The following TRAPPC9 variants were observed in gnomAD, a reference collection of about 807,000 sequenced individuals.
TRAPPC9 encodes IKK2 binding protein.
A neutral mutation model predicts 124.0 loss-of-function variants in TRAPPC9; 83 were observed. The ratio of observed to expected loss-of-function variants is 0.67; its 90% CI spans 0.56 to 0.80. The LOEUF (loss-of-function observed/expected upper bound fraction) is 0.80. Among genes scored for constraint, TRAPPC9 ranks in the 30% least tolerant of loss-of-function variants. The probability of loss-of-function intolerance (pLI) is 0.00; values close to 1 mark genes in which losing one functional copy is unlikely to be tolerated. For missense variants in TRAPPC9, 1,302 were observed against 1,508.3 expected (o/e 0.86, Z 2.27); for synonymous variants, 638 against 617.5 (o/e 1.03, Z -0.49).
At chr8:140,403,569 A>G (rs1283676088) in intron 6 of TRAPPC9, among the ~76,000 whole-genome samples, 1 of 152,206 alleles carries the variant, frequency 6.6e-6, no homozygotes, top group African/African-American at 2.4e-5. Context: ...TTTTTCAAAA[A>G]TAATAGCTAG....
chr8:140,405,966 T>C (rs1263111600), intron 5 of TRAPPC9, among the ~76,000 whole-genome samples: 2 of 152,170 alleles, frequency 1.3e-5, no homozygotes, highest in African/African-American at 4.8e-5. Context: ...AAGTAACATA[T>C]TTACAGTAAC....
At chr8:140,302,387 C>T (rs1319166608) in intron 10 of TRAPPC9, among the ~76,000 whole-genome samples, 1 of 152,228 alleles carries the variant, frequency 6.6e-6, no homozygotes, top group Non-Finnish European at 1.5e-5. Flanking sequence ...TGTTTCCACT[C>T]AGCTGTGAGC....
At chr8:139,773,965 C>T (rs1409753603) in intron 21 of TRAPPC9, among the ~76,000 whole-genome samples, 1 of 152,210 alleles carries the variant, frequency 6.6e-6, no homozygotes, top group Non-Finnish European at 1.5e-5. Context: ...GGACAGCGGT[C>T]GACCCTACGA....
At chr8:140,422,712 C>A (rs1010037782) in intron 5 of TRAPPC9, among the ~76,000 whole-genome samples, 8 of 150,410 alleles carry the variant, frequency 5.3e-5, no homozygotes, top group Non-Finnish European at 1.2e-4. Context: ...CGAGATCACA[C>A]CACTGCACTC....
intron 17 of TRAPPC9, among the ~76,000 whole-genome samples, chr8:140,059,544 C>G (rs1023261699): frequency 6.6e-6 from 1 of 152,176 alleles, no homozygotes; most frequent in African/African-American, 2.4e-5. Context: ...AACAAAGTAG[C>G]CACACCATTG....
intron 17 of TRAPPC9, among the ~76,000 whole-genome samples, chr8:140,183,862 AAAGAAGAAG>A (rs1173930930): frequency 2.0e-4 from 6 of 30,634 alleles, no homozygotes; most frequent in South Asian, 2.2e-3. Context: ...CAAAAAAAAA[AAAGAAGAAG>A]AAGAAGAAGA....
rs565133546 is a variant in TRAPPC9, at chr8:139,851,696, C to T, written c.3055+34183G>A. On this transcript the variant is annotated intron_variant, in intron 21 of 22. Coordinates refer to ENST00000438773, the MANE Select transcript of TRAPPC9 (RefSeq NM_001160372.4). ...TGAGTCGGGAAGGGGAAAGGTCCCGCGGACTCACGGCAAATGTTTACATTT... is the reference window on the plus strand; with the variant it reads ...TGAGTCGGGAAGGGGAAAGGTCCCGTGGACTCACGGCAAATGTTTACATTT... Among the ~76,000 whole-genome samples the T allele has an allele frequency of 2.8e-4, 43 of 152,288 alleles. No individual in the cohort carries two copies. In the South Asian group the frequency reaches 5.6e-3, roughly 20 times the overall value.
chr8:139,901,019 A>AAATC (rs1563907176), intron 20 of TRAPPC9, among the ~76,000 whole-genome samples: 6 of 151,556 alleles, frequency 4.0e-5, no homozygotes. Context: ...ATAAATAAAT[A>AAATC]AAAATAAAAT....
chr8:140,419,713 G>A (rs1220288351), intron 5 of TRAPPC9, among the ~76,000 whole-genome samples: 3 of 151,274 alleles, frequency 2.0e-5, no homozygotes, highest in Non-Finnish European at 1.5e-5. Flanking sequence ...GTGAAACCCC[G>A]TCTCTACTAA....
At chr8:139,929,250 A>T (rs1832981238) in intron 19 of TRAPPC9, among the ~76,000 whole-genome samples, 1 of 152,222 alleles carries the variant, frequency 6.6e-6, no homozygotes, top group Admixed American at 6.5e-5. Context: ...TCACATTTTA[A>T]ACAACGATGT....
At chr8:140,192,672 T>C (rs1244655219) in intron 17 of TRAPPC9, among the ~76,000 whole-genome samples, 1 of 152,258 alleles carries the variant, frequency 6.6e-6, no homozygotes, top group African/African-American at 2.4e-5. Flanking sequence ...AATGAACTGC[T>C]TGTCACATGG....
chr8:140,404,165 G>T (rs2069386600), intron 6 of TRAPPC9, among the ~76,000 whole-genome samples: 1 of 152,146 alleles, frequency 6.6e-6, no homozygotes, highest in Non-Finnish European at 1.5e-5. Context: ...ATCAGAGGAG[G>T]AATTTGGAGA....
intron 21 of TRAPPC9, among the ~76,000 whole-genome samples, chr8:139,844,656 C>A (rs975592086): frequency 2.2e-4 from 33 of 152,052 alleles, no homozygotes; most frequent in African/African-American, 8.0e-4. Context: ...AGCAGGAGAG[C>A]GGGGAGGAGC....
chr8:140,274,490 G>T (rs963168643), intron 15 of TRAPPC9, among the ~76,000 whole-genome samples: 1 of 152,170 alleles, frequency 6.6e-6, no homozygotes, highest in African/African-American at 2.4e-5. Context: ...TAGACAATGC[G>T]GACGCAAAGC....
chr8:140,253,038 G>C, intron 15 of TRAPPC9, 109 bp from the exon 16 acceptor site: 1 of 1,136,682 alleles, frequency 8.8e-7, no homozygotes, highest in Non-Finnish European at 1.3e-6. Flanking sequence ...GGAAAAAGAA[G>C]AGCTTTTAAA....
intron 17 of TRAPPC9, among the ~76,000 whole-genome samples, chr8:140,164,682 GCA>G (rs1166178539): frequency 6.6e-6 from 1 of 152,180 alleles, no homozygotes; most frequent in Non-Finnish European, 1.5e-5. Context: ...CCTCCGTGCA[GCA>G]CAGGCCCACA....
At chr8:140,416,739 A>ATTT (rs2069943919) in intron 5 of TRAPPC9, among the ~76,000 whole-genome samples, 1 of 152,232 alleles carries the variant, frequency 6.6e-6, no homozygotes, top group African/African-American at 2.4e-5. Flanking sequence ...ATATGGAACC[A>ATTT]AAAAAGAGCC....
At chr8:140,224,432 A>G (rs1196011175) in intron 16 of TRAPPC9, among the ~76,000 whole-genome samples, 1 of 152,210 alleles carries the variant, frequency 6.6e-6, no homozygotes, top group East Asian at 1.9e-4. Flanking sequence ...AGAGAATCTG[A>G]GCAGAATCTG....
chr8:140,107,694 T>G (rs989499162), intron 17 of TRAPPC9, among the ~76,000 whole-genome samples: 1 of 152,100 alleles, frequency 6.6e-6, no homozygotes. Flanking sequence ...GGCGAAGGCA[T>G]GGAAATCATT....
Sources: gnomAD v4.1 joint callset for allele counts (sites outside exome capture counted in the v4.1 genomes callset) on GRCh38, gnomAD v4.1.1 for gene constraint, MANE v1.5 for transcripts, NCBI Gene and HGNC (gene_info 2026-07-23, HGNC 2026-07-21) for gene names.